Variants in WDR27 observed in about 807,000 individuals in gnomAD.
WDR27 encodes WD repeat-containing protein 27.
In WDR27, 100 loss-of-function variants were observed where a neutral mutation model predicts 114.4. The ratio of observed to expected loss-of-function variants is 0.87; its 90% confidence interval spans 0.74 to 1.03. WDR27 has a LOEUF of 1.03. WDR27 is among the 50% of genes least tolerant of loss of function. The pLI is 0.00. For synonymous variants in WDR27, 449 were observed against 423.1 expected (o/e 1.06, Z -0.75); for missense variants, 1,129 against 1,092.9 (o/e 1.03, Z -0.47).
chr6:169,666,715 C>T (rs956841690), intron 6 of WDR27: 21 of 988,816 alleles, frequency 2.1e-5, no homozygotes, highest in African/African-American at 1.9e-4. Flanking sequence ...GAGCTGCACA[C>T]GTGCTCAGGA....
intron 23 of WDR27, among the ~76,000 whole-genome samples, chr6:169,593,417 G>A (rs575240796): frequency 1.3e-5 from 2 of 152,292 alleles, no homozygotes; most frequent in Admixed American, 1.3e-4. Context: ...CAAATTATGA[G>A]AAGCAGTCTC....
At chr6:169,497,770 G>A (rs1790601854) in intron 25 of WDR27, among the ~76,000 whole-genome samples, 1 of 152,102 alleles carries the variant, frequency 6.6e-6, no homozygotes, top group African/African-American at 2.4e-5. Flanking sequence ...ATGAGGAGGT[G>A]GAGAAATTTG....
chr6:169,683,240 T>A (rs375105262), intron 2 of WDR27, among the ~76,000 whole-genome samples: 3 of 152,160 alleles, frequency 2.0e-5, no homozygotes, highest in South Asian at 2.1e-4. Flanking sequence ...CAAATAAAAA[T>A]ACCCAAAGAT....
chr6:169,481,877 ACACT>A (rs1178298753), intron 25 of WDR27, among the ~76,000 whole-genome samples: 2 of 152,216 alleles, frequency 1.3e-5, no homozygotes, highest in African/African-American at 4.8e-5. Flanking sequence ...AAAAACTGTA[ACACT>A]CACTGTGAGG....
At chr6:169,433,075 GT>G in the WDR27 span, among the ~76,000 whole-genome samples, 1 of 152,068 alleles carries the variant, frequency 6.6e-6, no homozygotes, top group Non-Finnish European at 1.5e-5. Flanking sequence ...TATGTTTTTT[GT>G]TTTTTTGTTG....
At chr6:169,577,437 G>A (rs1048953671) in intron 24 of WDR27, among the ~76,000 whole-genome samples, 6 of 152,212 alleles carry the variant, frequency 3.9e-5, no homozygotes, top group Non-Finnish European at 7.3e-5. Context: ...TGCGTCGGGG[G>A]CCTGGAGACG....
chr6:169,482,918 C>T (rs970532261), intron 25 of WDR27, among the ~76,000 whole-genome samples: 2 of 152,140 alleles, frequency 1.3e-5, no homozygotes. Flanking sequence ...AATTAATCAA[C>T]CTGCTCCTGA....
intron 25 of WDR27, among the ~76,000 whole-genome samples, chr6:169,566,095 CGTT>C (rs1562594198): frequency 6.6e-5 from 10 of 150,712 alleles, no homozygotes; most frequent in Admixed American, 1.3e-4. Flanking sequence ...TATTGTTACT[CGTT>C]AGAAGGAACC....
chr6:169,447,029 A>C, the WDR27 span, among the ~76,000 whole-genome samples: 6 of 152,178 alleles, frequency 3.9e-5, no homozygotes, highest in Middle Eastern at 3.2e-3. Flanking sequence ...CGTAGTTGAA[A>C]TTTCTTATGA....
At chr6:169,448,934 C>T in the WDR27 span, among the ~76,000 whole-genome samples, 1 of 152,190 alleles carries the variant, frequency 6.6e-6, no homozygotes, top group African/African-American at 2.4e-5. Context: ...CTCTAACTCC[C>T]CCTCCAAAAT....
intron 25 of WDR27, among the ~76,000 whole-genome samples, chr6:169,475,816 T>G (rs1413066526): frequency 6.6e-6 from 1 of 152,214 alleles, no homozygotes; most frequent in Admixed American, 6.5e-5. Flanking sequence ...TCTGTGTCTT[T>G]GAAAGCATTT....
Position 169,638,334 on chromosome 6 carries a change from A to AG in WDR27, c.1869+204_1869+205insC, listed in dbSNP as rs1376657247. Reference sequence around the variant, plus strand: ...CGAGACTCCGTCTCAAAAAAAAAAAAAAAAAAAAAAAAAAAAAGAAACTAA... The same window carrying AG: ...CGAGACTCCGTCTCAAAAAAAAAAAAGAAAAAAAAAAAAAAAAAGAAACTAA... On this transcript the variant is annotated intron_variant, in intron 18 of 25. Transcript: ENST00000448612. 1.0e-4 allele frequency among the ~76,000 whole-genome samples: 15 copies of AG among 149,986 alleles called. 2 individuals carry two copies. Among genetic ancestry groups the AG allele is most frequent in the Admixed American group, 8.6e-4 (13 of 15,076 alleles).
chr6:169,545,816 A>G (rs1797391060), intron 25 of WDR27, among the ~76,000 whole-genome samples: 1 of 152,258 alleles, frequency 6.6e-6, no homozygotes, highest in South Asian at 2.1e-4. Context: ...CATACTTTCT[A>G]TATATGCACA....
At chr6:169,503,527 G>C (rs1354371092) in intron 25 of WDR27, among the ~76,000 whole-genome samples, 1 of 152,148 alleles carries the variant, frequency 6.6e-6, no homozygotes, top group African/African-American at 2.4e-5. Flanking sequence ...AGGCTTCCAA[G>C]AGCCGTCCCC....
At chr6:169,433,456 T>C in the WDR27 span, among the ~76,000 whole-genome samples, 84 of 152,348 alleles carry the variant, frequency 5.5e-4, no homozygotes, top group African/African-American at 2.0e-3. Flanking sequence ...TTCCATGGTG[T>C]ATATGTGCCA....
intron 1 of WDR27, among the ~76,000 whole-genome samples, chr6:169,690,589 A>G (rs572112985): frequency 1.3e-5 from 2 of 152,134 alleles, no homozygotes; most frequent in South Asian, 2.1e-4. Context: ...CACACAATCT[A>G]AACTATTTTG....
At chr6:169,607,755 CT>C (rs924412452) in intron 22 of WDR27, among the ~76,000 whole-genome samples, 8 of 152,144 alleles carry the variant, frequency 5.3e-5, no homozygotes, top group Non-Finnish European at 1.2e-4. Context: ...CAAAATTACA[CT>C]TGCACCTCCT....
chr6:169,696,168 C>T (rs1456587423), intron 1 of WDR27, among the ~76,000 whole-genome samples: 2 of 152,118 alleles, frequency 1.3e-5, no homozygotes, highest in Non-Finnish European at 2.9e-5. Flanking sequence ...ACTGTAGAAA[C>T]GAAATGACAA....
intron 24 of WDR27, among the ~76,000 whole-genome samples, chr6:169,580,335 G>A (rs144756474): frequency 2.1e-3 from 323 of 152,348 alleles, no homozygotes; most frequent in African/African-American, 7.1e-3. Context: ...TTAAAGTGAA[G>A]CTCTCCTTTC....
Sources: gnomAD v4.1 joint callset for allele counts (sites outside exome capture counted in the v4.1 genomes callset) on GRCh38, gnomAD v4.1.1 for gene constraint, MANE v1.5 for transcripts, NCBI Gene and HGNC (gene_info 2026-07-23, HGNC 2026-07-21) for gene names.